Variants in KCP observed in about 807,000 individuals in gnomAD.
KCP encodes the protein kielin/chordin-like protein.
A neutral mutation model predicts 212.7 loss-of-function variants in KCP; 194 were observed. The ratio of observed to expected loss-of-function variants is 0.91; its 90% confidence interval spans 0.81 to 1.03. The LOEUF is 1.03. Among genes scored for constraint, KCP ranks in the 50% least tolerant of loss-of-function variants. The pLI, the probability that KCP is intolerant of heterozygous loss-of-function variation, is 0.00. For synonymous variants in KCP, 833 were observed against 865.3 expected, an observed-to-expected ratio of 0.96 and a Z score of 0.65; for missense variants, 2,080 against 2,162.5, an observed-to-expected ratio of 0.96 and a Z score of 0.76.
intron 16 of KCP, among the ~76,000 whole-genome samples, chr7:128,892,248 C>T (rs1397620883): frequency 2.8e-4 from 10 of 36,128 alleles, no homozygotes; most frequent in Admixed American, 9.3e-4. Flanking sequence ...GGGGCCCTAG[C>T]GTGGTGGGGC....
chr7:128,892,932 C>G lies in KCP; in HGVS notation c.1357G>C (p.Val453Leu). The G allele has an allele frequency of 6.7e-7, 1 of 1,488,494 alleles. No individual in the cohort carries two copies. Among genetic ancestry groups the G allele is most frequent in the South Asian group, 1.2e-5 (1 of 82,886 alleles). The allele number at this position is 1,488,494 out of a possible 1,614,324, so 92.2% of individuals were successfully genotyped here. Reference protein sequence around the residue: ...PCTACVCQDGVPKCGAVLCPP... With the variant: ...PCTACVCQDGLPKCGAVLCPP... ...CAGAGCACAGCCCCGCACTTGGGTA[C>G]CCCATCTTGACAGACGCAGGCGGTG... The change falls in exon 14 of 40, where the codon GTA (valine) becomes CTA (leucine). Residue 453 changes from valine to leucine, a missense_variant. Transcript: ENST00000610776.
intron 18 of KCP, 31 bp downstream of exon 18, chr7:128,891,420 C>T (rs1035520972): frequency 2.6e-6 from 4 of 1,549,030 alleles, no homozygotes; most frequent in African/African-American, 2.7e-5. Flanking sequence ...CTCCACTCCC[C>T]TGGGCGCCTC....
In KCP at chr7:128,902,860, C is replaced by T. The variant is rs777385825; in HGVS notation, c.749-1G>A. On this transcript the variant is annotated splice_acceptor_variant, in intron 7 of 39. Transcript: ENST00000610776. LOFTEE classifies it high-confidence loss of function. ...CAGTGAGAGCCACCTTCTGTGCAGCCTAGGGTTGAGGGGTTGAGAAGAGGG... is the reference window on the plus strand; with the variant it reads ...CAGTGAGAGCCACCTTCTGTGCAGCTTAGGGTTGAGGGGTTGAGAAGAGGG... 1.1e-4 allele frequency: 166 copies of T among 1,551,090 alleles called. No homozygotes were observed. Among genetic ancestry groups the T allele is most frequent in the Middle Eastern group, 6.7e-4 (4 of 6,014 alleles).
At chr7:128,887,045 G>T in intron 23 of KCP, 79 bp from the exon 24 acceptor site, 1 of 1,021,094 alleles carries the variant, frequency 9.8e-7, no homozygotes, top group Non-Finnish European at 1.5e-6. Context: ...AGCCTGCAGG[G>T]GCCCAAACAC....
intron 2 of KCP, among the ~76,000 whole-genome samples, 175 bp downstream of exon 2, chr7:128,908,251 G>GAAGA (rs370653893): frequency 0.099 from 9,968 of 101,040 alleles, 654 homozygotes; most frequent in East Asian, 0.14. Context: ...AAGAAAGAAA[G>GAAGA]AAGAAAGAAA....
chr7:128,891,762 T>C lies in KCP; in HGVS notation c.1679A>G (p.Asp560Gly). 6.9e-7 allele frequency: 1 copy of C among 1,448,684 alleles called. No homozygotes were observed. Among genetic ancestry groups the C allele is most frequent in the Non-Finnish European group, 9.1e-7 (1 of 1,098,810 alleles). 89.7% of individuals were successfully genotyped at this position (1,448,684 alleles called of 1,614,324 possible). ...VDGESFSHPRDPCQECRCQEG... is the reference protein window; with the variant it reads ...VDGESFSHPRGPCQECRCQEG... ...CTGGCATCGGCACTCCTGGCAGGGG[T>C]CTCGGGGGTGGGAGAAGCTCTCGCC... The change falls in exon 17 of 40, where the codon GAC (aspartate) becomes GGC (glycine). Residue 560 changes from aspartate to glycine, a missense_variant. Transcript: ENST00000610776.
At chr7:128,890,592 G>A (rs1794036920) in intron 20 of KCP, 79 bp from the exon 21 acceptor site, 3 of 1,292,886 alleles carry the variant, frequency 2.3e-6, no homozygotes, top group Non-Finnish European at 3.2e-6. Context: ...GTTGAGGGGC[G>A]TGGAGGACGG....
chr7:128,884,888 CG>C, intron 27 of KCP, 25 bp from the exon 28 acceptor site: 1 of 1,548,338 alleles, frequency 6.5e-7, no homozygotes, highest in Non-Finnish European at 8.7e-7. Flanking sequence ...GAGAGCAGAA[CG>C]GGACCAGGGG....
At chr7:128,902,980 A>G in intron 7 of KCP, 121 bp from the exon 8 acceptor site, 1 of 733,038 alleles carries the variant, frequency 1.4e-6, no homozygotes, top group Non-Finnish European at 2.3e-6. Flanking sequence ...CCAAGACTAG[A>G]TGGGGTCAGA....
intron 8 of KCP, among the ~76,000 whole-genome samples, chr7:128,901,338 T>G (rs1470084925): frequency 6.6e-6 from 1 of 152,162 alleles, no homozygotes. Context: ...CTTAATAAAC[T>G]GCTTTTGGCC....
intron 8 of KCP, among the ~76,000 whole-genome samples, chr7:128,898,005 T>C (rs944993098): frequency 2.0e-5 from 3 of 152,184 alleles, no homozygotes; most frequent in African/African-American, 7.2e-5. Flanking sequence ...TGTTGTACAA[T>C]TTAAAGGTTG....
chr7:128,885,534 A>G (rs1370736466), intron 26 of KCP, among the ~76,000 whole-genome samples: 1 of 152,210 alleles, frequency 6.6e-6, no homozygotes, highest in African/African-American at 2.4e-5. Context: ...TGCCCAGTGC[A>G]GCCCGCACCG....
At chr7:128,882,039 T>G in intron 29 of KCP, 23 bp from the exon 30 acceptor site, 1 of 1,537,018 alleles carries the variant, frequency 6.5e-7, no homozygotes, top group Non-Finnish European at 8.8e-7. Context: ...GAATCCAGAG[T>G]GCGGGACAGA....
At chr7:128,879,408 G>A in intron 37 of KCP, 114 bp downstream of exon 37, 3 of 832,836 alleles carry the variant, frequency 3.6e-6, no homozygotes, top group African/African-American at 1.7e-5. Flanking sequence ...CCCACTCCTT[G>A]CCTTTTTTGG....
In KCP at chr7:128,880,449, G is replaced by A; in HGVS notation, c.3696C>T (p.Cys1232=). ...ERWTVDTCTS[C]SCMAGTVRCQ... is the part of the protein sequence containing the mutation. Reference sequence around the variant, plus strand: ...AACGCACGGTGCCCGCCATGCAGGAGCAGCTGGTGCAGGTGTCCACAGTCC... The same window carrying A: ...AACGCACGGTGCCCGCCATGCAGGAACAGCTGGTGCAGGTGTCCACAGTCC... Residue 1232 remains cysteine, a synonymous_variant, in exon 34 of 40, where the codon TGC becomes TGT. Transcript: ENST00000610776. 6.5e-7 allele frequency: 1 copy of A among 1,547,620 alleles called. No homozygotes were observed. Among genetic ancestry groups the A allele is most frequent in the Non-Finnish European group, 8.7e-7 (1 of 1,145,230 alleles).
intron 2 of KCP, among the ~76,000 whole-genome samples, chr7:128,908,110 C>T (rs1795215327): frequency 8.1e-6 from 1 of 122,782 alleles, no homozygotes; most frequent in African/African-American, 3.6e-5. Context: ...GCCTGGGTGA[C>T]ACATGGTGAC....
At chr7:128,884,904 T>A (rs1220982199) in intron 27 of KCP, 41 bp from the exon 28 acceptor site, 1 of 1,539,108 alleles carries the variant, frequency 6.5e-7, no homozygotes, top group Non-Finnish European at 8.8e-7. Context: ...CAGGGGTCCT[T>A]CAGGCTGGCA....
At chr7:128,883,331 G>T (rs1793445621) in intron 29 of KCP, among the ~76,000 whole-genome samples, 1 of 151,838 alleles carries the variant, frequency 6.6e-6, no homozygotes, top group South Asian at 2.1e-4. Context: ...GTAGAGACGG[G>T]GTTTCACCAT....
rs1338719444 is a variant in KCP, at chr7:128,891,528, C to A, written c.1801G>T (p.Ala601Ser). The A allele has an allele frequency of 5.8e-6, 9 of 1,549,112 alleles. No homozygotes were observed. The highest frequency in any genetic ancestry group is 7.0e-6 in the Non-Finnish European group (8 of 1,146,088). Residue 601 changes from alanine (A) to serine (S), a missense_variant, in exon 18 of 40, where the codon GCC (alanine) becomes TCC (serine). By Grantham distance (99) the Ala-to-Ser change is moderately conservative (BLOSUM62 1). Transcript: ENST00000610776. ...TCCPNDCSGC[A>S]FGGKEYPSGA... ...CTGGGGTACTCTTTCCCGCCAAAGGCACAGCCTGGGGGAGGGAGGGGCTAT... is the reference window on the plus strand; with the variant it reads ...CTGGGGTACTCTTTCCCGCCAAAGGAACAGCCTGGGGGAGGGAGGGGCTAT...
Sources: allele counts gnomAD v4.1 joint callset (sites outside exome capture counted in the v4.1 genomes callset), GRCh38; gene constraint gnomAD v4.1.1; transcripts MANE v1.5; gene names NCBI Gene and HGNC (gene_info 2026-07-23, HGNC 2026-07-21).